The following MYRIP variants were observed in gnomAD, a reference collection of about 807,000 sequenced individuals.
MYRIP encodes the protein rab effector MyRIP.
Under a neutral mutation model 98.0 loss-of-function variants are expected in MYRIP, and 49 were observed. The ratio of observed to expected loss-of-function variants is 0.50; its 90% CI spans 0.40 to 0.63. The LOEUF is 0.63. Ranked by LOEUF, MYRIP falls within the 30% of genes least tolerant of loss-of-function variation. MYRIP has a pLI of 0.00. For missense variants in MYRIP, 1,004 were observed against 1,058.2 expected (o/e 0.95, Z 0.71); for synonymous variants, 404 against 409.5 (o/e 0.99, Z 0.16).
chr3:39,967,977 A>G (rs1182449548), intron 2 of MYRIP, among the ~76,000 whole-genome samples: 1 of 152,106 alleles, frequency 6.6e-6, no homozygotes, highest in African/African-American at 2.4e-5. Flanking sequence ...TATTCTGGAT[A>G]TTAGACGTCT....
intron 1 of MYRIP, among the ~76,000 whole-genome samples, chr3:39,862,116 G>A (rs1053789454): frequency 7.2e-5 from 11 of 152,186 alleles, no homozygotes; most frequent in African/African-American, 2.4e-4. Context: ...CCTACAAAGG[G>A]AACCCCATCA....
intron 2 of MYRIP, among the ~76,000 whole-genome samples, chr3:40,038,334 A>T (rs974161801): frequency 6.6e-6 from 1 of 152,132 alleles, no homozygotes; most frequent in Admixed American, 6.6e-5. Context: ...ACTTTAAAAA[A>T]TTTTACTTGT....
At chr3:40,186,316 C>A (rs919986845) in intron 9 of MYRIP, among the ~76,000 whole-genome samples, 7 of 152,098 alleles carry the variant, frequency 4.6e-5, no homozygotes, top group Admixed American at 2.6e-4. Context: ...TTGACTCCCA[C>A]CAGAAGCAGA....
At chr3:39,975,664 G>A (rs542056112) in intron 2 of MYRIP, among the ~76,000 whole-genome samples, 5 of 152,260 alleles carry the variant, frequency 3.3e-5, no homozygotes, top group Non-Finnish European at 7.4e-5. Flanking sequence ...CAAGGCTACA[G>A]TAACCAAAAC....
intron 16 of MYRIP, among the ~76,000 whole-genome samples, chr3:40,257,196 T>C (rs536544845): frequency 6.6e-6 from 1 of 152,248 alleles, no homozygotes; most frequent in African/African-American, 2.4e-5. Context: ...TGGTGGCATA[T>C]GCCTGTAGTC....
At chr3:40,250,700 C>G (rs925444081) in intron 15 of MYRIP, among the ~76,000 whole-genome samples, 1 of 152,186 alleles carries the variant, frequency 6.6e-6, no homozygotes, top group Non-Finnish European at 1.5e-5. Context: ...TTGGAAGGTG[C>G]ACTGCTAGAG....
At chr3:40,181,127 T>A in intron 8 of MYRIP, among the ~76,000 whole-genome samples, 1 of 152,142 alleles carries the variant, frequency 6.6e-6, no homozygotes, top group East Asian at 1.9e-4. Context: ...TAAGCTACCA[T>A]TATCATACAG....
In MYRIP at chr3:40,172,747, G is replaced by C. The variant is rs535603929; in HGVS notation, c.873+2654G>C. ...CTGCCACCAGCCCAACCCCACTATG[G>C]GTCCTCACCAGTGCCCTCTCCCCTT... On this transcript the variant is annotated intron_variant, in intron 8 of 16. Coordinates refer to ENST00000302541, the MANE Select transcript of MYRIP (RefSeq NM_015460.4). 2.8e-4 allele frequency among the ~76,000 whole-genome samples: 43 copies of C among 152,148 alleles called. No individual in the cohort carries two copies. The South Asian group carries it at 8.9e-3, about 32-fold the overall frequency.
chr3:39,826,424 G>A (rs1425691020), intron 1 of MYRIP, among the ~76,000 whole-genome samples: 1 of 151,986 alleles, frequency 6.6e-6, no homozygotes, highest in African/African-American at 2.4e-5. Context: ...TTTACCCATT[G>A]ATCAGGAACG....
At chr3:40,206,551 C>T (rs1269853463) in intron 10 of MYRIP, among the ~76,000 whole-genome samples, 2 of 152,156 alleles carry the variant, frequency 1.3e-5, no homozygotes, top group African/African-American at 4.8e-5. Flanking sequence ...TCTAATTCCC[C>T]TTCCTGACAA....
At chr3:39,836,369 T>C (rs1941626237) in intron 1 of MYRIP, among the ~76,000 whole-genome samples, 1 of 152,224 alleles carries the variant, frequency 6.6e-6, no homozygotes, top group Non-Finnish European at 1.5e-5. Context: ...TTGCATATGT[T>C]TTTTGGCCAC....
At chr3:39,973,295 G>C (rs1445589367) in intron 2 of MYRIP, among the ~76,000 whole-genome samples, 3 of 152,018 alleles carry the variant, frequency 2.0e-5, no homozygotes, top group Non-Finnish European at 1.5e-5. Flanking sequence ...AAGATCAAAA[G>C]AGACAAAGAA....
intron 10 of MYRIP, among the ~76,000 whole-genome samples, chr3:40,198,244 C>T (rs865894862): frequency 1.3e-5 from 2 of 152,156 alleles, no homozygotes; most frequent in African/African-American, 2.4e-5. Context: ...AGCTTCTCCT[C>T]GGATGCTTAA....
intron 3 of MYRIP, among the ~76,000 whole-genome samples, chr3:40,109,566 C>A (rs571809799): frequency 2.2e-4 from 33 of 152,286 alleles, no homozygotes; most frequent in African/African-American, 7.9e-4. Context: ...AGGAGGACTG[C>A]TTGGGGCCAG....
chr3:40,197,139 G>A (rs891067954), intron 10 of MYRIP, among the ~76,000 whole-genome samples: 3 of 152,262 alleles, frequency 2.0e-5, no homozygotes, highest in East Asian at 3.9e-4. Flanking sequence ...ATGGTTTCGG[G>A]ATGAAACTGT....
intron 11 of MYRIP, among the ~76,000 whole-genome samples, chr3:40,229,334 A>G (rs1317239383): frequency 6.6e-6 from 1 of 152,200 alleles, no homozygotes; most frequent in Admixed American, 6.5e-5. Flanking sequence ...ACAAAAAAAT[A>G]CAAGTCTTAC....
intron 10 of MYRIP, among the ~76,000 whole-genome samples, chr3:40,195,829 A>T (rs550157120): frequency 6.6e-6 from 1 of 152,140 alleles, no homozygotes; most frequent in African/African-American, 2.4e-5. Flanking sequence ...AACACTTTAT[A>T]TGACATAATA....
intron 11 of MYRIP, among the ~76,000 whole-genome samples, chr3:40,223,188 A>T (rs1575653198): frequency 6.6e-6 from 1 of 152,390 alleles, no homozygotes; most frequent in South Asian, 2.1e-4. Flanking sequence ...ATGCAATGCA[A>T]ATCAAAATCT....
At position 40,155,494 on chromosome 3, in the gene MYRIP, T is replaced by C. The variant is rs568540300; in HGVS notation, c.469+4310T>C. On this transcript the variant is annotated intron_variant, in intron 4 of 16. Transcript: ENST00000302541. ...TATAGCAACATGATTTATAGTCCAT[T>C]GGGTATATACCCAGTAATGGGATGG... 3.2e-4 allele frequency among the ~76,000 whole-genome samples: 48 copies of C among 152,320 alleles called. 2 individuals are homozygous for C. The South Asian group carries it at 9.3e-3, about 30-fold the overall frequency.
Sources: gnomAD v4.1 joint callset for allele counts (sites outside exome capture counted in the v4.1 genomes callset) on GRCh38, gnomAD v4.1.1 for gene constraint, MANE v1.5 for transcripts, NCBI Gene and HGNC (gene_info 2026-07-23, HGNC 2026-07-21) for gene names.